The following MCM3AP variants were observed in gnomAD, a reference collection of about 807,000 sequenced individuals.
The protein encoded by MCM3AP is germinal-center associated nuclear protein.
A neutral mutation model predicts 184.1 loss-of-function variants in MCM3AP; 126 were observed. That is an observed-to-expected ratio of 0.68 (90% CI 0.59 to 0.79). MCM3AP has a LOEUF of 0.79. MCM3AP is among the 30% of genes least tolerant of loss of function. The probability of loss-of-function intolerance (pLI) is 0.00; values close to 1 mark genes in which losing one functional copy is unlikely to be tolerated. For missense variants in MCM3AP, 2,496 were observed against 2,479.2 expected, an observed-to-expected ratio of 1.01 and a Z score of -0.14; for synonymous variants, 1,002 against 979.3, an observed-to-expected ratio of 1.02 and a Z score of -0.43.
At chr21:46,267,374 G>T (rs2081126623) in intron 9 of MCM3AP, 1 of 512,598 alleles carries the variant, frequency 2.0e-6, no homozygotes, top group Non-Finnish European at 3.5e-6. Flanking sequence ...GAGAAGGATG[G>T]CTTGTGAAGG....
chr21:46,263,261 T>C (rs1186938890), intron 13 of MCM3AP, among the ~76,000 whole-genome samples: 2 of 150,542 alleles, frequency 1.3e-5, no homozygotes, highest in South Asian at 2.1e-4. Context: ...ATCCGGGAGG[T>C]GGGGGTTGCA....
intron 3 of MCM3AP, 112 bp from the exon 4 acceptor site, chr21:46,280,249 A>G (rs2081315127): frequency 8.1e-7 from 1 of 1,229,586 alleles, no homozygotes; most frequent in Non-Finnish European, 1.2e-6. Context: ...ACAGGAGGTT[A>G]GAGAAGAGCC....
intron 19 of MCM3AP, chr21:46,253,506 TC>T (rs1315163318): frequency 2.6e-5 from 4 of 152,196 alleles, no homozygotes; most frequent in Non-Finnish European, 5.9e-5. Context: ...GGGGGTGGAA[TC>T]CCCCTGGCTG....
intron 9 of MCM3AP, among the ~76,000 whole-genome samples, chr21:46,268,812 G>C (rs1003531872): frequency 1.3e-5 from 2 of 152,196 alleles, no homozygotes; most frequent in Non-Finnish European, 2.9e-5. Flanking sequence ...GGGAGGCCGA[G>C]GTGGGTGGAT....
Position 46,283,879 on chromosome 21 carries a change from T to A in MCM3AP, c.1220-41A>T, listed in dbSNP as rs780980218. On this transcript the variant is annotated intron_variant, in intron 1 of 27. Transcript: ENST00000291688. ...ATGGACACTTAAACCATCAGATGTT[T>A]CCAACAACAGGAGGCACCAACTGTG... 3.2e-6 allele frequency: 5 copies of A among 1,582,444 alleles called. No individual in the cohort carries two copies. The South Asian group carries it at 5.6e-5, about 18-fold the overall frequency.
chr21:46,244,797 A>G lies in MCM3AP; in HGVS notation c.5038+10T>C. 3.1e-6 allele frequency: 5 copies of G among 1,600,992 alleles called. No homozygotes were observed. The highest frequency in any genetic ancestry group is 4.3e-6 in the Non-Finnish European group (5 of 1,172,708). ...GCCACCCACCAGACCTCCCCAGGTC[A>G]AGCACGTACCCCCCAGGGGTGGAAG... On this transcript the variant is annotated intron_variant, in intron 23 of 27. Coordinates refer to ENST00000291688, the MANE Select transcript of MCM3AP (RefSeq NM_003906.5).
At chr21:46,235,493 G>T in intron 27 of MCM3AP, 67 bp from the exon 28 acceptor site, 1 of 1,379,178 alleles carries the variant, frequency 7.3e-7, no homozygotes, top group Non-Finnish European at 1.0e-6. Context: ...TCTCTGGGAA[G>T]GTACTAGATC....
Position 46,240,847 on chromosome 21 carries a change from G to T in MCM3AP, c.5597C>A (p.Ser1866Ter). The change falls in exon 26 of 28, where the codon TCG becomes TAG. Residue 1866 changes from serine (S) to a stop codon, truncating the protein, a stop_gained. Transcript: ENST00000291688. LOFTEE classifies it high-confidence loss of function. ...TTCTTTCTCCAGCAGCAGACTGCTC[G>T]ACAAACACTGCGCCAAGAGCTCCTC... ...SAEELLAQCL[S>*]SSLLLEKEEN... 1 of 1,614,138 alleles carries T rather than the reference G, an allele frequency of 6.2e-7. No homozygotes were observed. The highest frequency in any genetic ancestry group is 1.1e-5 in the South Asian group (1 of 91,066).
chr21:46,268,277 G>A (rs2081138186), intron 9 of MCM3AP, among the ~76,000 whole-genome samples: 1 of 152,174 alleles, frequency 6.6e-6, no homozygotes, highest in African/African-American at 2.4e-5. Context: ...CTGCTTGAGT[G>A]CTGGGACTTT....
intron 5 of MCM3AP, among the ~76,000 whole-genome samples, chr21:46,275,593 C>T (rs564012298): frequency 3.3e-5 from 5 of 152,126 alleles, no homozygotes; most frequent in African/African-American, 1.2e-4. Flanking sequence ...AAGAGAAAGA[C>T]CCCCGAGTCA....
intron 16 of MCM3AP, 136 bp downstream of exon 16, chr21:46,258,803 T>A: frequency 1.2e-6 from 1 of 839,962 alleles, no homozygotes; most frequent in Non-Finnish European, 2.0e-6. Flanking sequence ...TAGTCTATTT[T>A]AGGTATTCAT....
rs201259516 is a variant in MCM3AP, at chr21:46,267,119, C to T, written c.2652G>A (p.Ala884=). The T allele has an allele frequency of 2.5e-6, 4 of 1,613,872 alleles. No individual in the cohort carries two copies. The highest frequency in any genetic ancestry group is 2.2e-5 in the East Asian group (1 of 44,866). ...FSQIRKDALR[A]LNFAYTVSTQ... Reference sequence around the variant, plus strand: ...TGCTCACCGTGTACGCAAAGTTGAGCGCCCGGAGAGCATCCTTGCGGATCT... The same window carrying T: ...TGCTCACCGTGTACGCAAAGTTGAGTGCCCGGAGAGCATCCTTGCGGATCT... The change falls in exon 10 of 28, where the codon GCG becomes GCA. Residue 884 remains alanine, a synonymous_variant. Transcript: ENST00000291688.
intron 22 of MCM3AP, among the ~76,000 whole-genome samples, chr21:46,245,900 A>G (rs1187109621): frequency 6.6e-6 from 1 of 152,266 alleles, no homozygotes; most frequent in Non-Finnish European, 1.5e-5. Context: ...TGACCTTCAG[A>G]TATAAGACAT....
Position 46,243,590 on chromosome 21 carries a change from T to C in MCM3AP, c.5171A>G (p.Lys1724Arg), listed in dbSNP as rs982765110. The change falls in exon 24 of 28, where the codon AAG becomes AGG. Residue 1724 changes from lysine (K) to arginine (R), a missense_variant. Around this residue, in one of 5 missense-constraint regions of MCM3AP, gnomAD observed 1,323 missense variants for 1,273.4 expected, o/e 1.04. Coordinates refer to ENST00000291688, the MANE Select transcript of MCM3AP (RefSeq NM_003906.5). ...LHRTYCRWKS[K>R]SPSPVHGAGP... ...TGCCCCATGGACTGGGGAGGGACTC[T>C]TGCTCTTCCACCTACAGTAGGTTCT... The C allele has an allele frequency of 6.2e-7, 1 of 1,614,220 alleles. No individual in the cohort carries two copies. The highest frequency in any genetic ancestry group is 8.5e-7 in the Non-Finnish European group (1 of 1,180,036).
intron 23 of MCM3AP, among the ~76,000 whole-genome samples, chr21:46,243,986 C>T (rs1056843314): frequency 6.6e-5 from 10 of 152,204 alleles, no homozygotes; most frequent in African/African-American, 2.4e-4. Flanking sequence ...CCTAGGAAAT[C>T]TGTATTTTAA....
At chr21:46,247,032 C>CA in intron 20 of MCM3AP, 146 bp from the exon 21 acceptor site, 1 of 714,480 alleles carries the variant, frequency 1.4e-6, no homozygotes, top group Non-Finnish European at 2.3e-6. Context: ...CACAGCTGGG[C>CA]ATACCCTGTA....
chr21:46,262,936 C>G (rs547544428), intron 13 of MCM3AP, among the ~76,000 whole-genome samples: 187 of 140,322 alleles, frequency 1.3e-3, no homozygotes, highest in African/African-American at 4.6e-3. Context: ...CCACTGCACT[C>G]CAGCCTGGGC....
In MCM3AP at chr21:46,240,986, T is replaced by C; in HGVS notation, c.5458A>G (p.Asn1820Asp). Residue 1820 changes from asparagine to aspartate, a missense_variant, in exon 26 of 28, where the codon AAC (asparagine) becomes GAC (aspartate). Coordinates refer to ENST00000291688, the MANE Select transcript of MCM3AP (RefSeq NM_003906.5). Reference protein sequence around the residue: ...LAIKPFHPSANNFPIPLLHMH... With the variant: ...LAIKPFHPSADNFPIPLLHMH... ...TGAAGCAATGGTATGGGAAAATTGT[T>C]TGCAGAAGGATGAAAAGGCTTTATT... 6.2e-7 allele frequency: 1 copy of C among 1,614,026 alleles called. No individual in the cohort carries two copies. The highest frequency in any genetic ancestry group is 8.5e-7 in the Non-Finnish European group (1 of 1,180,020).
rs1306650950 is a variant in MCM3AP at position 46,266,151 on chromosome 21, G to A, written c.2805C>T (p.Asn935=). 1.2e-6 allele frequency: 2 copies of A among 1,609,444 alleles called. No individual in the cohort carries two copies. The highest frequency in any genetic ancestry group is 2.2e-5 in the East Asian group (1 of 44,806). ...CCTCTGGTTCCAGGAATGCAGACCG[G>A]TTCAGCTCCACACAGCTACCCAGAC... ...LTVSDGCVEL[N]RSAFLEPEGL... is the part of the protein sequence containing the mutation. The change falls in exon 11 of 28, where the codon AAC becomes AAT. Residue 935 remains asparagine, a synonymous_variant. Transcript: ENST00000291688.
Sources: gnomAD v4.1 joint callset for allele counts (sites outside exome capture counted in the v4.1 genomes callset) on GRCh38, gnomAD v4.1.1 for gene constraint, gnomAD v4.1.1 regional missense constraint, MANE v1.5 for transcripts, NCBI Gene and HGNC (gene_info 2026-07-23, HGNC 2026-07-21) for gene names.